The following CRACDL variants were observed in gnomAD, a reference collection of about 807,000 sequenced individuals.
CRACDL encodes the protein CRACD-like protein.
Under a neutral mutation model 70.6 loss-of-function variants are expected in CRACDL, and 26 were observed. The ratio of observed to expected loss-of-function variants is 0.37; its 90% CI spans 0.27 to 0.51. CRACDL has a LOEUF of 0.51. Ranked by LOEUF, CRACDL falls within the 20% of genes least tolerant of loss-of-function variation. The probability of loss-of-function intolerance (pLI) is 0.94; values close to 1 mark genes in which losing one functional copy is unlikely to be tolerated. For missense variants in CRACDL, 1,283 were observed against 1,376.9 expected, an observed-to-expected ratio of 0.93 and a Z score of 1.08; for synonymous variants, 618 against 615.2, an observed-to-expected ratio of 1.00 and a Z score of -0.07.
intron 1 of CRACDL, among the ~76,000 whole-genome samples, chr2:98,905,983 G>C (rs1235908836): frequency 6.6e-6 from 1 of 152,050 alleles, no homozygotes; most frequent in Non-Finnish European, 1.5e-5. Flanking sequence ...TCTGTAGGCT[G>C]ATATTTTTTC....
intron 1 of CRACDL, among the ~76,000 whole-genome samples, chr2:98,858,200 A>G (rs995001009): frequency 6.6e-6 from 1 of 151,988 alleles, no homozygotes; most frequent in Non-Finnish European, 1.5e-5. Flanking sequence ...GCTTATAAAC[A>G]CCTACGTAAA....
At chr2:98,912,030 C>T (rs1429237557) in intron 1 of CRACDL, among the ~76,000 whole-genome samples, 1 of 152,168 alleles carries the variant, frequency 6.6e-6, no homozygotes, top group Non-Finnish European at 1.5e-5. Flanking sequence ...GACCCCTCCA[C>T]ACCCCTGGGA....
chr2:98,846,470 C>T (rs1291235293), intron 2 of CRACDL, among the ~76,000 whole-genome samples: 1 of 152,194 alleles, frequency 6.6e-6, no homozygotes, highest in Non-Finnish European at 1.5e-5. Context: ...TGGGGACATG[C>T]TTACCTCCAG....
In CRACDL at chr2:98,863,590, C is replaced by T. The variant is rs182643493; in HGVS notation, c.-10-16780G>A. 1.2e-4 allele frequency among the ~76,000 whole-genome samples: 18 copies of T among 152,232 alleles called. 1 individual carries two copies. The East Asian group carries it at 3.1e-3, about 26-fold the overall frequency. ...TAGCACTTTTTTAAAAAAAGAGGTA[C>T]AGGCTTTTAAAACCAACTTATGATG... On this transcript the variant is annotated intron_variant, in intron 1 of 9. Coordinates refer to ENST00000397899, the MANE Select transcript of CRACDL (RefSeq NM_207362.3).
rs531949184 is a variant in CRACDL at position 98,893,575 on chromosome 2, C to A, written c.-11+42363G>T. 7.2e-5 allele frequency among the ~76,000 whole-genome samples: 11 copies of A among 152,284 alleles called. No individual in the cohort carries two copies. In the South Asian group the frequency reaches 2.1e-3, roughly 29 times the overall value. On this transcript the variant is annotated intron_variant, in intron 1 of 9. Transcript: ENST00000397899. ...CTGGAATTACAGGCATTAGCCACTG[C>A]ACCCCGCCTGAAGGAGCCCTATTTT... is the stretch of plus-strand genomic sequence containing the variant.
At chr2:98,910,142 G>A (rs915568872) in intron 1 of CRACDL, among the ~76,000 whole-genome samples, 3 of 152,092 alleles carry the variant, frequency 2.0e-5, no homozygotes, top group African/African-American at 7.2e-5. Flanking sequence ...CTTACCAAGG[G>A]GGCTGTGAGC....
intron 2 of CRACDL, 96 bp downstream of exon 2, chr2:98,846,635 A>T: frequency 1.0e-6 from 1 of 1,003,006 alleles, no homozygotes; most frequent in Non-Finnish European, 1.6e-6. Flanking sequence ...CCCACTTTTC[A>T]TACAGAAAGC....
At chr2:98,855,111 C>T (rs370386778) in intron 1 of CRACDL, among the ~76,000 whole-genome samples, 21 of 152,272 alleles carry the variant, frequency 1.4e-4, no homozygotes, top group East Asian at 7.7e-4. Flanking sequence ...GAAACCCCAT[C>T]TCTACTAAAA....
At chr2:98,821,078 A>G (rs1310733126) in intron 7 of CRACDL, among the ~76,000 whole-genome samples, 1 of 152,248 alleles carries the variant, frequency 6.6e-6, no homozygotes, top group Non-Finnish European at 1.5e-5. Context: ...GAGTCCTATC[A>G]AAATCAGTTT....
At position 98,926,587 on chromosome 2, in the gene CRACDL, T is replaced by C. The variant is rs190174358; in HGVS notation, c.-11+9351A>G. 3.5e-4 allele frequency among the ~76,000 whole-genome samples: 53 copies of C among 152,334 alleles called. No homozygotes were observed. The East Asian group carries it at 7.9e-3, about 23-fold the overall frequency. On this transcript the variant is annotated intron_variant, in intron 1 of 9. Transcript: ENST00000397899. ...GGGTTGCTAAAGACAATGTGTCTCC[T>C]GGAACCCTTCCTCAGCAATGTTCTC...
At chr2:98,800,447 T>G (rs900971040) in intron 7 of CRACDL, among the ~76,000 whole-genome samples, 1 of 152,158 alleles carries the variant, frequency 6.6e-6, no homozygotes, top group East Asian at 1.9e-4. Flanking sequence ...AACCATGGGC[T>G]CACTCTGAAG....
At chr2:98,847,921 C>T (rs6713991) in intron 1 of CRACDL, among the ~76,000 whole-genome samples, 1 of 151,892 alleles carries the variant, frequency 6.6e-6, no homozygotes, top group East Asian at 1.9e-4. Context: ...TCTAATATTT[C>T]GATTTCTTCT....
chr2:98,924,717 ACTC>A (rs765702106), intron 1 of CRACDL, among the ~76,000 whole-genome samples: 2 of 149,236 alleles, frequency 1.3e-5, no homozygotes, highest in Non-Finnish European at 3.0e-5. Context: ...CCTTCCTCCT[ACTC>A]CTCCACCTCC....
intron 1 of CRACDL, among the ~76,000 whole-genome samples, chr2:98,899,405 C>T (rs1397934020): frequency 6.6e-6 from 1 of 152,246 alleles, no homozygotes; most frequent in East Asian, 1.9e-4. Context: ...AAGGAGTCTC[C>T]ACCAGAAAGA....
intron 1 of CRACDL, among the ~76,000 whole-genome samples, chr2:98,885,447 G>A (rs1343495097): frequency 6.6e-6 from 1 of 152,030 alleles, no homozygotes; most frequent in Non-Finnish European, 1.5e-5. Flanking sequence ...AAGTTTCTCA[G>A]CAGAAATAAA....
chr2:98,913,460 C>G (rs1215928756), intron 1 of CRACDL, among the ~76,000 whole-genome samples: 2 of 152,068 alleles, frequency 1.3e-5, no homozygotes, highest in Non-Finnish European at 2.9e-5. Context: ...GCTTGGGGAA[C>G]AGGGAGTACA....
rs573916449 is a variant in CRACDL, at chr2:98,914,920, G to A, written c.-11+21018C>T. Reference sequence around the variant, plus strand: ...AAGGGGAAGGCTGCTCCCAGAGCAGGGCCCAGCCCCAGGAGATGCTGTTTG... The same window carrying A: ...AAGGGGAAGGCTGCTCCCAGAGCAGAGCCCAGCCCCAGGAGATGCTGTTTG... On this transcript the variant is annotated intron_variant, in intron 1 of 9. Transcript: ENST00000397899. Among the ~76,000 whole-genome samples, 24 of 152,336 alleles carry A rather than the reference G, an allele frequency of 1.6e-4. 1 individual carries two copies. The South Asian group carries it at 3.9e-3, about 25-fold the overall frequency.
chr2:98,832,324 T>C (rs1028031731), intron 5 of CRACDL, 24 bp downstream of exon 5: 1 of 1,613,730 alleles, frequency 6.2e-7, no homozygotes, highest in Non-Finnish European at 8.5e-7. Flanking sequence ...GATGAAGACA[T>C]GCAGTGGTAC....
chr2:98,911,316 TG>T (rs974010665), intron 1 of CRACDL, among the ~76,000 whole-genome samples: 1 of 152,142 alleles, frequency 6.6e-6, no homozygotes, highest in African/African-American at 2.4e-5. Flanking sequence ...TCCAGATGTG[TG>T]AGACCCTTTG....
Sources: gnomAD v4.1 joint callset for allele counts (sites outside exome capture counted in the v4.1 genomes callset) on GRCh38, gnomAD v4.1.1 for gene constraint, MANE v1.5 for transcripts, NCBI Gene and HGNC (gene_info 2026-07-23, HGNC 2026-07-21) for gene names.